The following KLHDC1 variants were observed in gnomAD, a reference collection of about 807,000 sequenced individuals.
The protein encoded by KLHDC1 is kelch domain-containing protein 1.
KLHDC1 carries 53 observed loss-of-function variants against 68.3 expected under a neutral mutation model. The ratio of observed to expected loss-of-function variants is 0.78; its 90% CI spans 0.62 to 0.98. KLHDC1 has a LOEUF of 0.98. KLHDC1 is among the 50% of genes least tolerant of loss of function. The probability of loss-of-function intolerance (pLI) is 0.00; values close to 1 mark genes in which losing one functional copy is unlikely to be tolerated. For missense variants in KLHDC1, 470 were observed against 492.3 expected (o/e 0.95, Z 0.43); for synonymous variants, 148 against 159.0 (o/e 0.93, Z 0.52).
At chr14:49,731,744 T>C (rs2139759038) in intron 8 of KLHDC1, among the ~76,000 whole-genome samples, 1 of 152,292 alleles carries the variant, frequency 6.6e-6, no homozygotes, top group South Asian at 2.1e-4. Flanking sequence ...AATGTCTCTA[T>C]TTTGCCCAGG....
rs55789065 is a variant in KLHDC1, at chr14:49,724,827, A to ATT, written c.484-845_484-844dup. 7.1e-3 allele frequency among the ~76,000 whole-genome samples: 983 copies of ATT among 137,732 alleles called. 6 individuals carry two copies. Among genetic ancestry groups the ATT allele is most frequent in the East Asian group, 0.018 (86 of 4,650 alleles). 90.4% of individuals were successfully genotyped at this position (137,732 alleles called of 152,430 possible). A position where few individuals can be genotyped will look rare whatever the true frequency, so the allele number is the denominator to read the frequency against. On this transcript the variant is annotated intron_variant, in intron 5 of 12. Coordinates refer to ENST00000359332, the MANE Select transcript of KLHDC1 (RefSeq NM_172193.3). ...CTGAAGTTTCTGGAACACAAATGGT[A>ATT]TTTTTTTTTTTTTTTCATTTAGACT...
At chr14:49,693,731 T>G (rs1312785821) in intron 1 of KLHDC1, among the ~76,000 whole-genome samples, 3 of 110,048 alleles carry the variant, frequency 2.7e-5, no homozygotes, top group Admixed American at 2.7e-4. Flanking sequence ...TTTAAATATT[T>G]ATTTTCTTTT....
intron 1 of KLHDC1, among the ~76,000 whole-genome samples, chr14:49,703,712 G>A (rs1322867487): frequency 6.6e-6 from 1 of 152,078 alleles, no homozygotes; most frequent in East Asian, 1.9e-4. Flanking sequence ...GGCTGTACCT[G>A]TTGTTGTTTG....
chr14:49,743,869 T>G, intron 12 of KLHDC1, 64 bp downstream of exon 12: 1 of 953,494 alleles, frequency 1.0e-6, no homozygotes, highest in East Asian at 2.6e-5. Context: ...TTCTCATTTT[T>G]GGGAAGCATT....
intron 12 of KLHDC1, among the ~76,000 whole-genome samples, chr14:49,749,078 C>A (rs547979615): frequency 1.3e-5 from 2 of 152,032 alleles, no homozygotes; most frequent in South Asian, 4.2e-4. Flanking sequence ...GGATTACAGG[C>A]GTGAGCCACC....
chr14:49,695,398 A>T (rs1205295875), intron 1 of KLHDC1, among the ~76,000 whole-genome samples: 1 of 152,142 alleles, frequency 6.6e-6, no homozygotes, highest in Non-Finnish European at 1.5e-5. Flanking sequence ...GAAAAGATAA[A>T]TCTTGTAGAT....
chr14:49,747,128 A>G (rs1889218580), intron 12 of KLHDC1, among the ~76,000 whole-genome samples: 1 of 151,902 alleles, frequency 6.6e-6, no homozygotes, highest in South Asian at 2.1e-4. Flanking sequence ...TTGTATTTTT[A>G]GTAGAGACAG....
At chr14:49,698,839 T>C (rs894812706) in intron 1 of KLHDC1, among the ~76,000 whole-genome samples, 1 of 151,914 alleles carries the variant, frequency 6.6e-6, no homozygotes, top group African/African-American at 2.4e-5. Context: ...TTTTTGCATC[T>C]CGTTTTATTC....
chr14:49,733,165 G>A (rs12890086), intron 9 of KLHDC1, among the ~76,000 whole-genome samples: 34,897 of 152,070 alleles, frequency 0.23, 4,740 homozygotes, highest in Admixed American at 0.34. Context: ...TCCAGGCTAG[G>A]GGATTGGAAG....
At chr14:49,712,682 T>G (rs1337139979) in intron 4 of KLHDC1, among the ~76,000 whole-genome samples, 3 of 151,686 alleles carry the variant, frequency 2.0e-5, no homozygotes, top group Non-Finnish European at 4.4e-5. Flanking sequence ...TTTTTGTATC[T>G]TTAGTAGAGA....
rs1887622576 is a variant in KLHDC1 at position 49,693,301 on chromosome 14, G to C, written c.96+11G>C. 1 of 1,518,808 alleles carries C rather than the reference G, an allele frequency of 6.6e-7. No homozygotes were observed. Among genetic ancestry groups the C allele is most frequent in the Admixed American group, 2.1e-5 (1 of 48,542 alleles). The allele number at this position is 1,518,808 out of a possible 1,614,324, so 94.1% of individuals were successfully genotyped here. A position where few individuals can be genotyped will look rare whatever the true frequency, so the allele number is the denominator to read the frequency against. On this transcript the variant is annotated intron_variant, in intron 1 of 12. Coordinates refer to ENST00000359332, the MANE Select transcript of KLHDC1 (RefSeq NM_172193.3). ...TGGGGGGGCTACGTGGTAAGGGGAA[G>C]AGGCGGGACGGGGTAGACTCGCGCC...
chr14:49,718,596 A>T (rs1167109148), intron 4 of KLHDC1, among the ~76,000 whole-genome samples: 3 of 151,820 alleles, frequency 2.0e-5, no homozygotes, highest in African/African-American at 7.3e-5. Context: ...TTCTTTTGTC[A>T]TCCTTTTTAT....
At chr14:49,694,036 G>C (rs966241136) in intron 1 of KLHDC1, among the ~76,000 whole-genome samples, 46 of 152,168 alleles carry the variant, frequency 3.0e-4, no homozygotes, top group African/African-American at 1.1e-3. Context: ...ACAGGCATTA[G>C]CCACTGTGCC....
intron 1 of KLHDC1, among the ~76,000 whole-genome samples, chr14:49,695,222 C>T (rs2139724242): frequency 6.6e-6 from 1 of 151,934 alleles, no homozygotes; most frequent in East Asian, 1.9e-4. Flanking sequence ...TCCTGAGTAG[C>T]TGGAATTACA....
rs1310888608 is a variant in KLHDC1, at chr14:49,729,562, CT to C, written c.710+15del. 1 of 1,564,034 alleles carries C rather than the reference CT, an allele frequency of 6.4e-7. No homozygotes were observed. Among genetic ancestry groups the C allele is most frequent in the African/African-American group, 1.4e-5 (1 of 73,808 alleles). ...TTGGTCTGGAAGGTAAGTTTGAAGT[CT>C]AAGTACGTTTTAATCTATAGGCATG... On this transcript the variant is annotated intron_variant, in intron 8 of 12. Coordinates refer to ENST00000359332, the MANE Select transcript of KLHDC1 (RefSeq NM_172193.3).
intron 1 of KLHDC1, among the ~76,000 whole-genome samples, chr14:49,694,623 G>T (rs1887679488): frequency 6.6e-6 from 1 of 152,140 alleles, no homozygotes; most frequent in Non-Finnish European, 1.5e-5. Flanking sequence ...GGAGGCTGAG[G>T]CGGGTGGATT....
chr14:49,750,120 CAT>C (rs1433012037), intron 12 of KLHDC1, among the ~76,000 whole-genome samples: 1 of 152,136 alleles, frequency 6.6e-6, no homozygotes. Context: ...TGATGTATCA[CAT>C]GTTGTATTGT....
chr14:49,729,045 C>G (rs748875417), intron 7 of KLHDC1, 36 bp downstream of exon 7: 2 of 1,334,032 alleles, frequency 1.5e-6, no homozygotes. Context: ...TTTTTATGTG[C>G]AATGCTCCTT....
intron 9 of KLHDC1, among the ~76,000 whole-genome samples, chr14:49,733,412 T>C (rs1280791843): frequency 1.3e-5 from 2 of 151,958 alleles, no homozygotes; most frequent in African/African-American, 4.8e-5. Context: ...AGATGTTTTA[T>C]GTTTTCTATT....
Sources: allele counts gnomAD v4.1 joint callset (sites outside exome capture counted in the v4.1 genomes callset), GRCh38; gene constraint gnomAD v4.1.1; transcripts MANE v1.5; gene names NCBI Gene and HGNC (gene_info 2026-07-23, HGNC 2026-07-21).